The following HIVEP2 variants were observed in gnomAD, a reference collection of about 807,000 sequenced individuals.
The protein encoded by HIVEP2 is transcription factor HIVEP2.
A neutral mutation model predicts 180.7 loss-of-function variants in HIVEP2; 14 were observed. The ratio of observed to expected loss-of-function variants is 0.08; its 90% confidence interval spans 0.05 to 0.12. HIVEP2 has a LOEUF of 0.12. Ranked by LOEUF, HIVEP2 falls within the 10% of genes least tolerant of loss-of-function variation. The pLI, the probability that HIVEP2 is intolerant of heterozygous loss-of-function variation, is 1.00. For missense variants in HIVEP2, 2,579 were observed against 3,008.5 expected (o/e 0.86, Z 3.34); for synonymous variants, 1,184 against 1,136.4 (o/e 1.04, Z -0.84).
intron 2 of HIVEP2, among the ~76,000 whole-genome samples, chr6:142,792,528 G>A (rs1312340963): frequency 6.6e-6 from 1 of 152,110 alleles, no homozygotes; most frequent in Non-Finnish European, 1.5e-5. Context: ...CACGGACACA[G>A]GAAGGGGAAC....
intron 1 of HIVEP2, among the ~76,000 whole-genome samples, chr6:142,889,236 A>G (rs1030472103): frequency 1.3e-5 from 2 of 152,028 alleles, no homozygotes; most frequent in Admixed American, 1.3e-4. Context: ...ATTTTGAGAG[A>G]CTGGCAGGAG....
At chr6:142,888,061 T>C (rs760238079) in intron 1 of HIVEP2, among the ~76,000 whole-genome samples, 26 of 152,216 alleles carry the variant, frequency 1.7e-4, no homozygotes, top group Non-Finnish European at 3.2e-4. Flanking sequence ...ATAAATCATT[T>C]TACATGTTTT....
At chr6:142,802,007 G>C (rs1776424713) in intron 2 of HIVEP2, among the ~76,000 whole-genome samples, 1 of 152,090 alleles carries the variant, frequency 6.6e-6, no homozygotes, top group South Asian at 2.1e-4. Context: ...TGGAGTATGA[G>C]GCCCCAGGAG....
chr6:142,784,492 C>A (rs1419763970), intron 2 of HIVEP2, among the ~76,000 whole-genome samples: 2 of 152,200 alleles, frequency 1.3e-5, no homozygotes, highest in Non-Finnish European at 2.9e-5. Context: ...TGCAGTAGCA[C>A]TTCAGGACAC....
At chr6:142,825,996 GAATT>G (rs1383942090) in intron 2 of HIVEP2, among the ~76,000 whole-genome samples, 10 of 151,922 alleles carry the variant, frequency 6.6e-5, no homozygotes, top group Admixed American at 1.3e-4. Flanking sequence ...TCAAATAAAT[GAATT>G]AATTATCTTC....
chr6:142,862,059 G>T (rs968844679), intron 1 of HIVEP2, among the ~76,000 whole-genome samples: 1 of 152,100 alleles, frequency 6.6e-6, no homozygotes, highest in East Asian at 1.9e-4. Context: ...TAAAGTTAGA[G>T]TGGCACATCA....
At position 142,760,737 on chromosome 6, in the gene HIVEP2, C is replaced by T. The variant is rs1562498230; in HGVS notation, c.5621-70G>A. The T allele has an allele frequency of 6.8e-6, 8 of 1,181,504 alleles. No individual in the cohort carries two copies. In the South Asian group the frequency reaches 7.8e-5, roughly 11 times the overall value. 73.2% of individuals were successfully genotyped at this position (1,181,504 alleles called of 1,614,324 possible). On this transcript the variant is annotated intron_variant, in intron 8 of 9. Coordinates refer to ENST00000367603, the MANE Select transcript of HIVEP2 (RefSeq NM_006734.4). ...CAAGGTTAGGATCTTATTTAAGCCT[C>T]ATTTCTTTCTAAACGCTTTTCCCAA...
chr6:142,830,082 T>C (rs1775036290), intron 2 of HIVEP2, among the ~76,000 whole-genome samples: 1 of 152,208 alleles, frequency 6.6e-6, no homozygotes, highest in South Asian at 2.1e-4. Context: ...AAGATTACAC[T>C]GGAACCAATC....
chr6:142,906,111 T>C (rs1777258682), intron 1 of HIVEP2, among the ~76,000 whole-genome samples: 1 of 152,138 alleles, frequency 6.6e-6, no homozygotes, highest in African/African-American at 2.4e-5. Flanking sequence ...TCCAGCCTAG[T>C]TGACAGAGTG....
intron 1 of HIVEP2, among the ~76,000 whole-genome samples, chr6:142,849,521 T>A (rs909744): frequency 0.63 from 78,887 of 124,550 alleles, 20,929 homozygotes; most frequent in Non-Finnish European, 0.68. Flanking sequence ...TTATTTATTT[T>A]TTTTTTTTTT....
rs551160493 is a variant in HIVEP2 at position 142,909,006 on chromosome 6, A to C, written c.-641+36093T>G. On this transcript the variant is annotated intron_variant, in intron 1 of 9. Coordinates refer to ENST00000367603, the MANE Select transcript of HIVEP2 (RefSeq NM_006734.4). ...TTTTTTAATTAACAATAGTCTATTAAAGGGCAGATTTTAGGGATACAAATC... is the reference window on the plus strand; with the variant it reads ...TTTTTTAATTAACAATAGTCTATTACAGGGCAGATTTTAGGGATACAAATC... Among the ~76,000 whole-genome samples, 6 of 152,292 alleles carry C rather than the reference A, an allele frequency of 3.9e-5. No homozygotes were observed. The South Asian group carries it at 1.2e-3, about 32-fold the overall frequency.
chr6:142,760,141 T>G lies in HIVEP2; in HGVS notation c.6147A>C (p.Gly2049=). ...TATCTCGACAGGGTGAAGAATCATATCCTGGAGAGGAATGGTGGCTTGAGG... is the reference window on the plus strand; with the variant it reads ...TATCTCGACAGGGTGAAGAATCATAGCCTGGAGAGGAATGGTGGCTTGAGG... ...FSPSSHHSSP[G]YDSSPCRDNS... Residue 2049 remains glycine (G), a synonymous_variant, in exon 9 of 10, where the codon GGA becomes GGC. Transcript: ENST00000367603. 1 of 1,614,176 alleles carries G rather than the reference T, an allele frequency of 6.2e-7. No homozygotes were observed.
chr6:142,799,335 C>T (rs911035040), intron 2 of HIVEP2, among the ~76,000 whole-genome samples: 1 of 152,088 alleles, frequency 6.6e-6, no homozygotes, highest in Admixed American at 6.6e-5. Flanking sequence ...ACAACATTCT[C>T]GTCCTAAGTG....
In HIVEP2 at chr6:142,935,972, G is replaced by A. The variant is rs570516193; in HGVS notation, c.-641+9127C>T. 2.5e-4 allele frequency among the ~76,000 whole-genome samples: 38 copies of A among 151,958 alleles called. No homozygotes were observed. The East Asian group carries it at 3.5e-3, about 14-fold the overall frequency. On this transcript the variant is annotated intron_variant, in intron 1 of 9. Coordinates refer to ENST00000367603, the MANE Select transcript of HIVEP2 (RefSeq NM_006734.4). The stretch of plus-strand genomic sequence containing the variant: ...AGGATGTGTCACAAAAATTAGCCGC[G>A]CATGGTGGTGCCAGCCTGCAGTCCC...
At chr6:142,937,507 C>G (rs925193699) in intron 1 of HIVEP2, among the ~76,000 whole-genome samples, 1 of 152,066 alleles carries the variant, frequency 6.6e-6, no homozygotes, top group African/African-American at 2.4e-5. Context: ...CCAAATTCCC[C>G]CAGGTGGTGG....
intron 2 of HIVEP2, among the ~76,000 whole-genome samples, chr6:142,800,864 G>C (rs1341156894): frequency 6.6e-6 from 1 of 152,244 alleles, no homozygotes; most frequent in South Asian, 2.1e-4. Flanking sequence ...TGCTATAACA[G>C]ACAATAGCTT....
chr6:142,859,503 G>A (rs1243950063), intron 1 of HIVEP2, among the ~76,000 whole-genome samples: 3 of 150,736 alleles, frequency 2.0e-5, no homozygotes, highest in African/African-American at 2.4e-5. Flanking sequence ...ATCCACATAA[G>A]CTTGTCGAAA....
chr6:142,790,279 G>A (rs948345443), intron 2 of HIVEP2, among the ~76,000 whole-genome samples: 1 of 152,174 alleles, frequency 6.6e-6, no homozygotes, highest in African/African-American at 2.4e-5. Context: ...AAAGGGCAGA[G>A]CCAAGTAGAT....
At chr6:142,883,055 G>T (rs1582939126) in intron 1 of HIVEP2, among the ~76,000 whole-genome samples, 1 of 152,044 alleles carries the variant, frequency 6.6e-6, no homozygotes, top group South Asian at 2.1e-4. Flanking sequence ...TACAGGATCT[G>T]CTTGAACAAA....
Sources: gnomAD v4.1 joint callset for allele counts (sites outside exome capture counted in the v4.1 genomes callset) on GRCh38, gnomAD v4.1.1 for gene constraint, MANE v1.5 for transcripts, NCBI Gene and HGNC (gene_info 2026-07-23, HGNC 2026-07-21) for gene names.